PDE6A: variants seen among roughly 807,000 people sequenced by gnomAD.
The protein encoded by PDE6A is rod cGMP-specific 3',5'-cyclic phosphodiesterase subunit alpha.
In PDE6A, 84 loss-of-function variants were observed where a neutral mutation model predicts 106.3. That is an observed-to-expected ratio of 0.79 (90% CI 0.66 to 0.95). The LOEUF (loss-of-function observed/expected upper bound fraction) is 0.95. PDE6A is among the 40% of genes least tolerant of loss of function. The pLI is 0.00. For missense variants in PDE6A, 1,052 were observed against 1,084.9 expected (o/e 0.97, Z 0.43); for synonymous variants, 394 against 386.6 (o/e 1.02, Z -0.23).
intron 9 of PDE6A, 72 bp downstream of exon 9, chr5:149,899,303 C>T (rs1752875495): frequency 6.7e-7 from 1 of 1,500,866 alleles, no homozygotes; most frequent in South Asian, 1.1e-5. Context: ...TGTGATAGCG[C>T]AGTGACACCC....
In PDE6A at chr5:149,934,594, C is replaced by G; in HGVS notation, c.599G>C (p.Gly200Ala). The G allele has an allele frequency of 1.2e-6, 2 of 1,614,084 alleles. No individual in the cohort carries two copies. Among genetic ancestry groups the G allele is most frequent in the Non-Finnish European group, 1.7e-6 (2 of 1,179,936 alleles). The stretch of plus-strand genomic sequence containing the variant: ...TTCATCTCTCTTGGTGAAGTGGGAT[C>G]CATCCACTTTATTCACAGCCATGAT... ...AIIMAVNKVD[G>A]SHFTKRDEEI... The change falls in exon 2 of 22, where the codon GGA becomes GCA. Residue 200 changes from glycine (G) to alanine (A), a missense_variant. By Grantham distance (60) the Gly-to-Ala change is moderately conservative. Around this residue, in one of 3 missense-constraint regions of PDE6A, gnomAD observed 913 missense variants for 915.2 expected, o/e 1.00. Transcript: ENST00000255266.
chr5:149,876,836 T>C (rs1219816558), intron 17 of PDE6A, among the ~76,000 whole-genome samples: 1 of 152,154 alleles, frequency 6.6e-6, no homozygotes, highest in East Asian at 1.9e-4. Context: ...CTTTTATTTT[T>C]AATTCTAAGA....
intron 17 of PDE6A, 72 bp from the exon 18 acceptor site, chr5:149,868,230 C>T (rs1760405071): frequency 1.4e-6 from 2 of 1,429,268 alleles, no homozygotes; most frequent in African/African-American, 1.4e-5. Context: ...TTCCATCTCT[C>T]TCACCTTTCT....
chr5:149,879,958 A>G (rs997537951), intron 17 of PDE6A, among the ~76,000 whole-genome samples: 27 of 152,136 alleles, frequency 1.8e-4, no homozygotes, highest in Admixed American at 1.3e-4. Context: ...TGATGAACTT[A>G]CACCTTTCTC....
intron 8 of PDE6A, 98 bp from the exon 9 acceptor site, chr5:149,899,622 G>A: frequency 8.3e-7 from 1 of 1,206,466 alleles, no homozygotes; most frequent in Non-Finnish European, 1.2e-6. Context: ...TTGGCTGAGA[G>A]GAGGTGGCAA....
At position 149,863,082 on chromosome 5, in the gene PDE6A, G is replaced by A. The variant is rs1212605666; in HGVS notation, c.2506+37C>T. ...CGCAGACACTGAGTGCTCAGGGAGT[G>A]GGGTGGTGGGAGTCCCTGCTTCCCC... On this transcript the variant is annotated intron_variant, in intron 21 of 21. Coordinates refer to ENST00000255266, the MANE Select transcript of PDE6A (RefSeq NM_000440.3). The surrounding 1 kb of genome is among the most constrained non-coding windows in gnomAD (Gnocchi z 4.7). 3 of 1,613,210 alleles carry A rather than the reference G, an allele frequency of 1.9e-6. No individual in the cohort carries two copies. In the African/African-American group the frequency reaches 4.0e-5, roughly 22 times the overall value.
intron 5 of PDE6A, among the ~76,000 whole-genome samples, chr5:149,915,313 A>T (rs533352616): frequency 1.7e-4 from 26 of 152,190 alleles, no homozygotes; most frequent in African/African-American, 6.0e-4. Flanking sequence ...CCAGCCAAAA[A>T]ATTATACCTT....
At chr5:149,942,839 G>T (rs756865792) in intron 1 of PDE6A, among the ~76,000 whole-genome samples, 1 of 151,982 alleles carries the variant, frequency 6.6e-6, no homozygotes, top group Non-Finnish European at 1.5e-5. Flanking sequence ...GCATCTCAGT[G>T]CAGTAAAGAG....
At chr5:149,925,023 C>T (rs866834819) in intron 4 of PDE6A, among the ~76,000 whole-genome samples, 18 of 152,316 alleles carry the variant, frequency 1.2e-4, no homozygotes, top group African/African-American at 4.3e-4. Context: ...ACCAGCTTCA[C>T]ATCAGTTCAA....
At position 149,898,458 on chromosome 5, in the gene PDE6A, C is replaced by T. The variant is rs757995471; in HGVS notation, c.1312G>A (p.Glu438Lys). The stretch of plus-strand genomic sequence containing the variant: ...CTATTTTCAAGTTTATTCATTGACT[C>T]ATAGGTGTCAGGATTTAAGACAGAC... ...GWSVLNPDTY[E>K]SMNKLENRKD... The change falls in exon 10 of 22, where the codon GAG (glutamate) becomes AAG (lysine). Residue 438 changes from glutamate (E) to lysine (K), a missense_variant. By Grantham distance (56) the Glu-to-Lys change is moderately conservative. Coordinates refer to ENST00000255266, the MANE Select transcript of PDE6A (RefSeq NM_000440.3). 5 of 1,613,230 alleles carry T rather than the reference C, an allele frequency of 3.1e-6. No homozygotes were observed. The African/African-American group carries it at 4.0e-5, about 13-fold the overall frequency.
intron 16 of PDE6A, 55 bp downstream of exon 16, chr5:149,884,424 A>G (rs1291124122): frequency 4.0e-6 from 4 of 1,008,752 alleles, no homozygotes; most frequent in Admixed American, 1.7e-5. Context: ...ATATATATAT[A>G]TGCATACATA....
At chr5:149,936,227 C>G (rs1754181218) in intron 1 of PDE6A, among the ~76,000 whole-genome samples, 1 of 140,216 alleles carries the variant, frequency 7.1e-6, no homozygotes. Context: ...TGCTCTGCAT[C>G]TATAGATTTC....
intron 13 of PDE6A, among the ~76,000 whole-genome samples, chr5:149,892,133 AC>A (rs941267431): frequency 1.3e-4 from 20 of 151,938 alleles, no homozygotes; most frequent in African/African-American, 4.4e-4. Flanking sequence ...ACATAGTGAG[AC>A]CCCCCATCTC....
chr5:149,867,761 A>T lies in PDE6A; in HGVS notation c.2238T>A (p.Gly746=), dbSNP rs145809648. Residue 746 remains glycine, a synonymous_variant, in exon 19 of 22, where the codon GGT becomes GGA. Coordinates refer to ENST00000255266, the MANE Select transcript of PDE6A (RefSeq NM_000440.3). ...GTTGCAGCACCGTGCGCTCCAGGTC[A>T]CCTTGTTCCCAGAATTCAGCAGCCA... is the stretch of plus-strand genomic sequence containing the variant. ...LLVAAEFWEQ[G]DLERTVLQQN... 1.9e-6 allele frequency: 3 copies of T among 1,613,784 alleles called. No individual in the cohort carries two copies. The highest frequency in any genetic ancestry group is 2.5e-6 in the Non-Finnish European group (3 of 1,179,994).
At position 149,884,849 on chromosome 5, in the gene PDE6A, G is replaced by A. The variant is rs1288332831; in HGVS notation, c.1857C>T (p.Ala619=). 6.2e-7 allele frequency: 1 copy of A among 1,614,024 alleles called. No homozygotes were observed. The change falls in exon 15 of 22, where the codon GCC becomes GCT. Residue 619 remains alanine (A), a synonymous_variant. Coordinates refer to ENST00000255266, the MANE Select transcript of PDE6A (RefSeq NM_000440.3). ...LYQMKSQNPL[A]KLHGSSILER... is the part of the protein sequence containing the mutation. Reference sequence around the variant, plus strand: ...CCAAGATAGAGGACCCATGGAGCTTGGCCAGTGGGTTCTGGGATCTGAATG... The same window carrying A: ...CCAAGATAGAGGACCCATGGAGCTTAGCCAGTGGGTTCTGGGATCTGAATG...
At chr5:149,940,697 C>G (rs1754305603) in intron 1 of PDE6A, among the ~76,000 whole-genome samples, 1 of 152,030 alleles carries the variant, frequency 6.6e-6, no homozygotes, top group Non-Finnish European at 1.5e-5. Flanking sequence ...GGGGTTTCAC[C>G]ATGTTGGCCA....
intron 6 of PDE6A, 47 bp from the exon 7 acceptor site, chr5:149,907,425 T>C: frequency 6.6e-7 from 1 of 1,504,300 alleles, no homozygotes; most frequent in Non-Finnish European, 9.3e-7. Context: ...CAGGGATTGC[T>C]GGACTAAAGA....
chr5:149,873,489 G>A (rs557034195), intron 17 of PDE6A, among the ~76,000 whole-genome samples: 34 of 152,084 alleles, frequency 2.2e-4, no homozygotes, highest in East Asian at 9.7e-4. Context: ...GCGTCACCAC[G>A]CCCAGCTAAT....
chr5:149,892,305 G>C (rs1014379238), intron 13 of PDE6A, among the ~76,000 whole-genome samples: 1 of 151,712 alleles, frequency 6.6e-6, no homozygotes, highest in Non-Finnish European at 1.5e-5. Context: ...AACAGAGTAG[G>C]AGCTCAAATC....
Sources: allele counts gnomAD v4.1 joint callset (sites outside exome capture counted in the v4.1 genomes callset), GRCh38; gene constraint gnomAD v4.1.1; regional missense constraint gnomAD v4.1.1; non-coding constraint Gnocchi (gnomAD v3.1); transcripts MANE v1.5; gene names NCBI Gene and HGNC (gene_info 2026-07-23, HGNC 2026-07-21).